AGBL1: variants seen among roughly 807,000 people sequenced by gnomAD.
AGBL1 encodes the protein cytosolic carboxypeptidase 4.
AGBL1 carries 130 observed loss-of-function variants against 118.9 expected under a neutral mutation model. The observed-to-expected ratio is 1.09, with a 90% CI of 0.95 to 1.26. The LOEUF (loss-of-function observed/expected upper bound fraction) is 1.26, where lower values mean the gene tolerates loss of function less well. AGBL1 is among the 50% of genes most tolerant of loss of function. The probability of loss-of-function intolerance (pLI) is 0.00; values close to 1 mark genes in which losing one functional copy is unlikely to be tolerated. For missense variants in AGBL1, 1,584 were observed against 1,298.1 expected (o/e 1.22, Z -3.38); for synonymous variants, 555 against 478.9 (o/e 1.16, Z -2.08).
At chr15:86,412,222 G>A (rs1298039476) in intron 18 of AGBL1, among the ~76,000 whole-genome samples, 2 of 152,156 alleles carry the variant, frequency 1.3e-5, no homozygotes, top group African/African-American at 2.4e-5. Context: ...TCACCAAGTC[G>A]AGGACACAGT....
intron 22 of AGBL1, among the ~76,000 whole-genome samples, chr15:86,848,969 C>T (rs908788385): frequency 3.3e-5 from 5 of 152,140 alleles, no homozygotes; most frequent in Non-Finnish European, 7.4e-5. Flanking sequence ...CTGAAATCAA[C>T]TGTAGTAAAG....
chr15:86,371,268 G>A (rs2080966792), intron 17 of AGBL1, among the ~76,000 whole-genome samples: 1 of 152,156 alleles, frequency 6.6e-6, no homozygotes, highest in Non-Finnish European at 1.5e-5. Context: ...TTTGAAAGGA[G>A]TTCACAGGAA....
At chr15:86,888,393 T>C (rs1297159860) in intron 22 of AGBL1, among the ~76,000 whole-genome samples, 2 of 151,874 alleles carry the variant, frequency 1.3e-5, no homozygotes, top group Non-Finnish European at 2.9e-5. Context: ...CCAATCCACA[T>C]AAACTGTAGA....
At chr15:86,272,234 C>A (rs548053860) in intron 15 of AGBL1, among the ~76,000 whole-genome samples, 1 of 152,144 alleles carries the variant, frequency 6.6e-6, no homozygotes, top group Non-Finnish European at 1.5e-5. Context: ...CTTGATCAGT[C>A]GCCAGTTTCA....
At chr15:86,511,537 C>A (rs576032730) in intron 18 of AGBL1, among the ~76,000 whole-genome samples, 12 of 152,020 alleles carry the variant, frequency 7.9e-5, no homozygotes, top group Non-Finnish European at 1.2e-4. Flanking sequence ...TATTCAGAGG[C>A]TACTCTAGCT....
intron 22 of AGBL1, among the ~76,000 whole-genome samples, chr15:86,732,876 G>T (rs1232084261): frequency 6.6e-6 from 1 of 150,858 alleles, no homozygotes; most frequent in Non-Finnish European, 1.5e-5. Flanking sequence ...GATATATATA[G>T]ATAGATATAT....
chr15:86,438,651 C>T (rs2082025950), intron 18 of AGBL1, among the ~76,000 whole-genome samples: 1 of 144,678 alleles, frequency 6.9e-6, no homozygotes, highest in African/African-American at 2.6e-5. Context: ...AACTGATAAT[C>T]TGTCTCTTTT....
At chr15:86,293,198 G>A (rs2079575714) in intron 16 of AGBL1, among the ~76,000 whole-genome samples, 1 of 152,148 alleles carries the variant, frequency 6.6e-6, no homozygotes, top group Admixed American at 6.6e-5. Context: ...GTCTATTGCT[G>A]CAGTAACAAA....
intron 17 of AGBL1, among the ~76,000 whole-genome samples, chr15:86,302,404 C>T (rs180822811): frequency 2.6e-5 from 4 of 152,102 alleles, no homozygotes; most frequent in East Asian, 1.9e-4. Flanking sequence ...CTTCTATATG[C>T]AGAGAAATGG....
intron 21 of AGBL1, among the ~76,000 whole-genome samples, chr15:86,667,936 T>C (rs575054310): frequency 3.3e-5 from 5 of 152,346 alleles, no homozygotes; most frequent in African/African-American, 1.2e-4. Context: ...TGTAAAAGCA[T>C]GGCCACAGCA....
At chr15:86,878,081 G>C (rs905159725) in intron 22 of AGBL1, among the ~76,000 whole-genome samples, 2 of 152,158 alleles carry the variant, frequency 1.3e-5, no homozygotes, top group Non-Finnish European at 2.9e-5. Context: ...TTTCCACATG[G>C]AGTTTAGTAG....
At chr15:86,705,090 A>G (rs76785307) in intron 22 of AGBL1, among the ~76,000 whole-genome samples, 1 of 152,082 alleles carries the variant, frequency 6.6e-6, no homozygotes, top group Non-Finnish European at 1.5e-5. Context: ...CAAAGAGAAC[A>G]CATGGACACA....
chr15:86,764,911 A>G (rs2078073785), intron 22 of AGBL1, among the ~76,000 whole-genome samples: 1 of 152,064 alleles, frequency 6.6e-6, no homozygotes, highest in Admixed American at 6.6e-5. Context: ...AGACAATGAT[A>G]AAGAATATTG....
At chr15:86,301,302 G>T (rs1432003249) in intron 17 of AGBL1, among the ~76,000 whole-genome samples, 1 of 151,940 alleles carries the variant, frequency 6.6e-6, no homozygotes, top group Non-Finnish European at 1.5e-5. Flanking sequence ...GAGAGATTGG[G>T]CTGAGGGACA....
At chr15:86,719,140 G>A (rs1003947113) in intron 22 of AGBL1, among the ~76,000 whole-genome samples, 4 of 152,142 alleles carry the variant, frequency 2.6e-5, no homozygotes, top group Non-Finnish European at 5.9e-5. Context: ...GAAAAAATAT[G>A]TAAGCATTTG....
At chr15:86,487,159 A>G (rs571956311) in intron 18 of AGBL1, among the ~76,000 whole-genome samples, 74 of 152,142 alleles carry the variant, frequency 4.9e-4, no homozygotes, top group African/African-American at 1.7e-3. Context: ...ACCGGAGAGC[A>G]TTTTATAATC....
At chr15:86,856,441 G>GACTAA (rs2079481463) in intron 22 of AGBL1, among the ~76,000 whole-genome samples, 1 of 152,236 alleles carries the variant, frequency 6.6e-6, no homozygotes, top group Admixed American at 6.5e-5. Context: ...CTAGATCTAA[G>GACTAA]ACTAAGCTAG....
intron 24 of AGBL1, among the ~76,000 whole-genome samples, chr15:87,000,580 G>A (rs2081426521): frequency 1.5e-5 from 1 of 67,940 alleles, no homozygotes; most frequent in Non-Finnish European, 3.3e-5. Context: ...CTGTTCCATT[G>A]ATCTATATCT....
chr15:86,122,885 CAG>C (rs1696263380), intron 1 of AGBL1, among the ~76,000 whole-genome samples: 1 of 152,158 alleles, frequency 6.6e-6, no homozygotes, highest in East Asian at 1.9e-4. Context: ...AACATTAAAA[CAG>C]AGCTCTTAAG....
Sources: gnomAD v4.1 joint callset for allele counts (sites outside exome capture counted in the v4.1 genomes callset) on GRCh38, gnomAD v4.1.1 for gene constraint, MANE v1.5 for transcripts, NCBI Gene and HGNC (gene_info 2026-07-23, HGNC 2026-07-21) for gene names.